Variants in SNX29 observed in about 807,000 individuals in gnomAD.
SNX29 encodes sorting nexin-29.
Under a neutral mutation model 102.1 loss-of-function variants are expected in SNX29, and 78 were observed. The ratio of observed to expected loss-of-function variants is 0.76; its 90% confidence interval spans 0.64 to 0.92. SNX29 has a LOEUF of 0.92. SNX29 is among the 40% of genes least tolerant of loss of function. SNX29 has a pLI of 0.00. For missense variants in SNX29, 1,280 were observed against 1,061.7 expected, an observed-to-expected ratio of 1.21 and a Z score of -2.86; for synonymous variants, 580 against 414.5, an observed-to-expected ratio of 1.40 and a Z score of -4.85.
intron 16 of SNX29, among the ~76,000 whole-genome samples, chr16:12,382,983 C>A (rs2083226727): frequency 6.6e-6 from 1 of 152,122 alleles, no homozygotes; most frequent in African/African-American, 2.4e-5. Flanking sequence ...ATTTACAAGT[C>A]ACATTTATAG....
chr16:12,151,353 A>C (rs993511753), intron 13 of SNX29, among the ~76,000 whole-genome samples: 1 of 152,324 alleles, frequency 6.6e-6, no homozygotes, highest in African/African-American at 2.4e-5. Context: ...TCTAAGTTCA[A>C]AGTTCCTTGA....
At chr16:12,072,523 C>T (rs374963721) in intron 10 of SNX29, among the ~76,000 whole-genome samples, 1 of 152,104 alleles carries the variant, frequency 6.6e-6, no homozygotes, top group Non-Finnish European at 1.5e-5. Context: ...GAAGCCCACT[C>T]GATCATGGTA....
chr16:12,543,073 C>G (rs561874939), intron 20 of SNX29, among the ~76,000 whole-genome samples: 4 of 152,326 alleles, frequency 2.6e-5, no homozygotes, highest in South Asian at 4.1e-4. Flanking sequence ...GTTTCACCCT[C>G]AAGCATGTTC....
intron 6 of SNX29, among the ~76,000 whole-genome samples, chr16:12,047,842 A>G (rs374342736): frequency 6.6e-6 from 1 of 151,854 alleles, no homozygotes; most frequent in Non-Finnish European, 1.5e-5. Context: ...TTTTTAGTAG[A>G]TATGGGGTTT....
chr16:12,213,604 G>T (rs1187451371), intron 14 of SNX29, among the ~76,000 whole-genome samples: 1 of 152,242 alleles, frequency 6.6e-6, no homozygotes, highest in Admixed American at 6.5e-5. Flanking sequence ...TTAGGAGAGT[G>T]TCCAGGCTGT....
chr16:12,087,756 A>T, intron 11 of SNX29: 1 of 431,462 alleles, frequency 2.3e-6, no homozygotes, highest in Non-Finnish European at 4.7e-6. Flanking sequence ...CAGAGGCCAA[A>T]TACAGTGCTC....
At chr16:12,273,778 C>A (rs1410871338) in intron 14 of SNX29, among the ~76,000 whole-genome samples, 1 of 152,192 alleles carries the variant, frequency 6.6e-6, no homozygotes, top group Non-Finnish European at 1.5e-5. Flanking sequence ...TCCCTCCTTC[C>A]CCCAGACCCT....
intron 18 of SNX29, among the ~76,000 whole-genome samples, chr16:12,438,572 G>A (rs1049570014): frequency 6.6e-6 from 1 of 152,228 alleles, no homozygotes; most frequent in Non-Finnish European, 1.5e-5. Context: ...TTGAGGCTGC[G>A]CCTTGCTGGG....
At chr16:12,072,881 C>T (rs1304994601) in intron 10 of SNX29, among the ~76,000 whole-genome samples, 14 of 152,052 alleles carry the variant, frequency 9.2e-5, no homozygotes. Context: ...TCAACTTCTT[C>T]CTGGTTTAGT....
intron 14 of SNX29, among the ~76,000 whole-genome samples, chr16:12,269,154 A>G (rs1004450312): frequency 1.3e-5 from 2 of 152,182 alleles, no homozygotes; most frequent in African/African-American, 4.8e-5. Flanking sequence ...CCAAATCATT[A>G]TTTTCCCATT....
chr16:12,052,501 GCCACCACGCCCAGCCTTC>G (rs1168158992), intron 8 of SNX29: 1 of 378,708 alleles, frequency 2.6e-6, no homozygotes, highest in Non-Finnish European at 5.0e-6. Flanking sequence ...ACAGGCATGA[GCCACCACGCCCAGCCTTC>G]CCTTGCACTT....
chr16:12,403,226 G>A (rs948006334), intron 17 of SNX29, among the ~76,000 whole-genome samples: 2 of 148,604 alleles, frequency 1.3e-5, no homozygotes, highest in Admixed American at 1.3e-4. Flanking sequence ...GTGTGTGTGT[G>A]TGTGTGTGTG....
chr16:12,058,785 C>T (rs1313805444), intron 8 of SNX29, among the ~76,000 whole-genome samples: 17 of 145,856 alleles, frequency 1.2e-4, no homozygotes, highest in African/African-American at 4.3e-4. Context: ...TGAGCCACAG[C>T]ACCCGGCCTG....
At chr16:12,353,555 T>G (rs1192164619) in intron 15 of SNX29, among the ~76,000 whole-genome samples, 3 of 152,230 alleles carry the variant, frequency 2.0e-5, no homozygotes, top group African/African-American at 7.2e-5. Flanking sequence ...CAGGCCCATC[T>G]TGCACCAAGG....
intron 20 of SNX29, among the ~76,000 whole-genome samples, chr16:12,541,453 G>C (rs533276866): frequency 1.3e-5 from 2 of 152,234 alleles, no homozygotes; most frequent in African/African-American, 4.8e-5. Flanking sequence ...AAGGACCCAC[G>C]CTTAGTGCTT....
At chr16:12,406,262 C>T (rs150995888) in intron 18 of SNX29, among the ~76,000 whole-genome samples, 195 of 152,266 alleles carry the variant, frequency 1.3e-3, no homozygotes, top group African/African-American at 4.6e-3. Context: ...TCCTGGCAGC[C>T]ATTGTGAAAG....
At chr16:12,247,223 G>T (rs147706393) in intron 14 of SNX29, among the ~76,000 whole-genome samples, 61 of 152,256 alleles carry the variant, frequency 4.0e-4, no homozygotes, top group African/African-American at 1.3e-3. Context: ...TCTTAGCAAG[G>T]GATGGAGGCT....
intron 11 of SNX29, chr16:12,081,487 C>G (rs914342972): frequency 2.6e-5 from 4 of 152,062 alleles, no homozygotes; most frequent in African/African-American, 7.2e-5. Context: ...TCAGTGATGA[C>G]TGCTTGACTT....
chr16:12,178,558 A>T (rs926018852), intron 13 of SNX29, among the ~76,000 whole-genome samples: 2 of 152,152 alleles, frequency 1.3e-5, no homozygotes, highest in East Asian at 3.8e-4. Flanking sequence ...TCCTGGAAAA[A>T]ACATGGAACC....
Sources: gnomAD v4.1 joint callset for allele counts (sites outside exome capture counted in the v4.1 genomes callset) on GRCh38, gnomAD v4.1.1 for gene constraint, MANE v1.5 for transcripts, NCBI Gene and HGNC (gene_info 2026-07-23, HGNC 2026-07-21) for gene names.